Variants in AHCYL1 observed in about 807,000 individuals in gnomAD.
The protein encoded by AHCYL1 is adenosylhomocysteinase like 1, also known as S-adenosylhomocysteine hydrolase-like protein 1.
A neutral mutation model predicts 79.3 loss-of-function variants in AHCYL1; 20 were observed. That is an observed-to-expected ratio of 0.25 (90% CI 0.18 to 0.37). The LOEUF is 0.37. Ranked by LOEUF, AHCYL1 falls within the 10% of genes least tolerant of loss-of-function variation. AHCYL1 has a pLI of 1.00. For synonymous variants in AHCYL1, 223 were observed against 242.2 expected (o/e 0.92, Z 0.74); for missense variants, 330 against 673.6 (o/e 0.49, Z 5.65).
intron 1 of AHCYL1, among the ~76,000 whole-genome samples, chr1:110,002,956 G>A (rs972388033): frequency 6.6e-6 from 1 of 152,162 alleles, no homozygotes; most frequent in Non-Finnish European, 1.5e-5. Flanking sequence ...AAGACAATTA[G>A]TCTGGATTCC....
chr1:109,996,394 G>A (rs1031925252), intron 1 of AHCYL1, among the ~76,000 whole-genome samples: 10 of 152,136 alleles, frequency 6.6e-5, no homozygotes, highest in East Asian at 3.8e-4. Flanking sequence ...AGGGTGCAGC[G>A]TCCCAGGGCC....
At chr1:109,994,739 C>G (rs1484768432) in intron 1 of AHCYL1, among the ~76,000 whole-genome samples, 1 of 152,224 alleles carries the variant, frequency 6.6e-6, no homozygotes, top group East Asian at 1.9e-4. Context: ...AGCTTCTGAG[C>G]ACCAGCTTTC....
intron 1 of AHCYL1, among the ~76,000 whole-genome samples, chr1:109,991,488 G>A (rs913185659): frequency 1.1e-4 from 16 of 152,262 alleles, no homozygotes; most frequent in African/African-American, 3.1e-4. Context: ...GTTGTGTGAT[G>A]GAAATGGGGC....
intron 1 of AHCYL1, among the ~76,000 whole-genome samples, chr1:109,986,780 G>C (rs913683593): frequency 2.6e-5 from 4 of 152,166 alleles, no homozygotes; most frequent in Non-Finnish European, 5.9e-5. Context: ...AGGGATTCTT[G>C]TTCACCTTTG....
At chr1:110,013,035 A>G in intron 5 of AHCYL1, 36 bp downstream of exon 5, 2 of 1,523,806 alleles carry the variant, frequency 1.3e-6, no homozygotes, top group South Asian at 2.3e-5. Flanking sequence ...TTTGCCCCAA[A>G]ATAGTTATCC....
chr1:109,998,888 A>G (rs115712215), intron 1 of AHCYL1, among the ~76,000 whole-genome samples: 4 of 152,148 alleles, frequency 2.6e-5, no homozygotes, highest in Admixed American at 2.0e-4. Flanking sequence ...TATTTGGACC[A>G]GGAGTGATGG....
intron 2 of AHCYL1, among the ~76,000 whole-genome samples, chr1:110,010,944 C>T (rs752126394): frequency 6.6e-6 from 1 of 152,146 alleles, no homozygotes; most frequent in Non-Finnish European, 1.5e-5. Context: ...ACTATAGCTG[C>T]AGGTTTATAA....
intron 1 of AHCYL1, among the ~76,000 whole-genome samples, chr1:110,008,492 G>T (rs1478521508): frequency 6.6e-6 from 1 of 152,094 alleles, no homozygotes; most frequent in Non-Finnish European, 1.5e-5. Context: ...TTGGCTTTGT[G>T]AAGTATAGAC....
intron 2 of AHCYL1, among the ~76,000 whole-genome samples, chr1:110,009,968 C>T (rs1310673231): frequency 6.6e-6 from 1 of 152,196 alleles, no homozygotes; most frequent in Non-Finnish European, 1.5e-5. Flanking sequence ...TACCAAAAGC[C>T]ATTCATTGTC....
chr1:110,012,392 G>T lies in AHCYL1; in HGVS notation c.407G>T (p.Arg136Leu). 1 of 1,613,906 alleles carries T rather than the reference G, an allele frequency of 6.2e-7. No homozygotes were observed. The highest frequency in any genetic ancestry group is 2.2e-5 in the East Asian group (1 of 44,882). ...TCTGCTCTGATTTCACTCAGGAAAC[G>T]TGCTCAGGGGGAGAAGCCCTTGGCT... ...DMSALISLRK[R>L]AQGEKPLAGA... The change falls in exon 4 of 17, where the codon CGT (arginine) becomes CTT (leucine). Residue 136 changes from arginine (R) to leucine (L), a missense_variant. Physicochemically the swap from Arg to Leu is moderately radical, Grantham distance 102. Transcript: ENST00000369799.
In AHCYL1 at chr1:110,017,589, AAC is replaced by A; in HGVS notation, c.1052+8_1052+9del. ...ATCTGTGCTCTGCAGGCCTGGTAAGAACAGAGTGATAATACTATTAGATTCAC... is the reference window on the plus strand; with the variant it reads ...ATCTGTGCTCTGCAGGCCTGGTAAGAAGAGTGATAATACTATTAGATTCAC... On this transcript the variant is annotated splice_region_variant and intron_variant, in intron 10 of 16. Transcript: ENST00000369799. 6.2e-7 allele frequency: 1 copy of A among 1,612,598 alleles called. No individual in the cohort carries two copies. The highest frequency in any genetic ancestry group is 2.2e-5 in the East Asian group (1 of 44,872).
chr1:110,008,296 T>C (rs333082), intron 1 of AHCYL1, among the ~76,000 whole-genome samples: 152,037 of 152,314 alleles, frequency 1, 75,880 homozygotes, highest in Middle Eastern at 1. Context: ...CGTGAGCCAC[T>C]GTACCTGGCC....
rs1280798905 is a variant in AHCYL1 at position 109,985,124 on chromosome 1, C to T, written c.72C>T (p.Asp24=). 6.2e-6 allele frequency: 10 copies of T among 1,611,366 alleles called. No individual in the cohort carries two copies. The highest frequency in any genetic ancestry group is 8.5e-6 in the Non-Finnish European group (10 of 1,179,170). ...EELKQAKEIE[D]AEKYSFMATV... is the part of the protein sequence containing the mutation. ...TGAAGCAGGCCAAGGAGATCGAGGA[C>T]GCCGAGAAGTACTCCTTCATGGCCA... is the stretch of plus-strand genomic sequence containing the variant. The change falls in exon 1 of 17, where the codon GAC becomes GAT. Residue 24 remains aspartate (D), a synonymous_variant. Transcript: ENST00000369799.
chr1:109,991,238 A>T (rs1649745318), intron 1 of AHCYL1, among the ~76,000 whole-genome samples: 1 of 152,216 alleles, frequency 6.6e-6, no homozygotes, highest in East Asian at 1.9e-4. Flanking sequence ...CAAAGTAAAA[A>T]GTTTAATGAA....
chr1:110,010,086 A>G (rs1650924600), intron 2 of AHCYL1, among the ~76,000 whole-genome samples: 2 of 152,270 alleles, frequency 1.3e-5, no homozygotes, highest in African/African-American at 4.8e-5. Flanking sequence ...GTGTGTGACA[A>G]GCAGGCTAAC....
chr1:110,014,993 C>A, intron 6 of AHCYL1, 136 bp downstream of exon 6: 1 of 805,024 alleles, frequency 1.2e-6, no homozygotes, highest in South Asian at 1.7e-5. Context: ...TAGCTTGATA[C>A]CTATTCAGAA....
chr1:110,021,646 G>T, intron 16 of AHCYL1, 28 bp from the exon 17 acceptor site: 1 of 1,611,130 alleles, frequency 6.2e-7, no homozygotes, highest in Non-Finnish European at 8.5e-7. Flanking sequence ...AGACATAAGT[G>T]TTAACCAATC....
At position 110,018,779 on chromosome 1, in the gene AHCYL1, CACAAATTGG is replaced by C. The variant is rs1370462387; in HGVS notation, c.1317+130_1317+138del. ...TTTATCTTTGGAGAGAGAGATATTT[CACAAATTGG>C]TCCCCAAAATAAAACCACTTTAAAA... On this transcript the variant is annotated intron_variant, in intron 13 of 16. Transcript: ENST00000369799. 2.3e-5 allele frequency: 22 copies of C among 973,726 alleles called. No homozygotes were observed. In the African/African-American group the frequency reaches 3.5e-4, roughly 15 times the overall value. The allele number at this position is 973,726 out of a possible 1,614,324, so 60.3% of individuals were successfully genotyped here. A position where few individuals can be genotyped will look rare whatever the true frequency, so the allele number is the denominator to read the frequency against.
At chr1:109,994,633 GCAGATGTATC>G (rs1649935014) in intron 1 of AHCYL1, among the ~76,000 whole-genome samples, 1 of 152,228 alleles carries the variant, frequency 6.6e-6, no homozygotes, top group Admixed American at 6.5e-5. Context: ...CCTAGAGATA[GCAGATGTATC>G]CAGTTGCTTT....
Sources: allele counts gnomAD v4.1 joint callset (sites outside exome capture counted in the v4.1 genomes callset), GRCh38; gene constraint gnomAD v4.1.1; transcripts MANE v1.5; gene names NCBI Gene and HGNC (gene_info 2026-07-23, HGNC 2026-07-21).